BABAM2: variants seen among roughly 807,000 people sequenced by gnomAD.
BABAM2 encodes the protein BRISC and BRCA1 A complex member 2.
In BABAM2, 31 loss-of-function variants were observed where a neutral mutation model predicts 54.7. The ratio of observed to expected loss-of-function variants is 0.57; its 90% CI spans 0.43 to 0.77. The LOEUF is 0.77. BABAM2 is among the 30% of genes least tolerant of loss of function. The pLI is 0.00. For missense variants in BABAM2, 364 were observed against 455.8 expected (o/e 0.80, Z 1.83); for synonymous variants, 167 against 162.9 (o/e 1.03, Z -0.19).
At chr2:28,135,149 G>A (rs897541186) in intron 7 of BABAM2, among the ~76,000 whole-genome samples, 1 of 152,292 alleles carries the variant, frequency 6.6e-6, no homozygotes, top group Middle Eastern at 3.4e-3. Context: ...AAGAGAGTGG[G>A]AGATCACATT....
rs774711146 is a variant in BABAM2, at chr2:28,036,437, G to T, written c.496-9288G>T. On this transcript the variant is annotated intron_variant, in intron 5 of 11. Coordinates refer to ENST00000379624, the MANE Select transcript of BABAM2 (RefSeq NM_199191.3). ...CTTCAAAGAACTGTGGAAATGTGTTGATTAGATCAGGGAGGCTTAACCTAA... is the reference window on the plus strand; with the variant it reads ...CTTCAAAGAACTGTGGAAATGTGTTTATTAGATCAGGGAGGCTTAACCTAA... Among the ~76,000 whole-genome samples, 3 of 152,178 alleles carry T rather than the reference G, an allele frequency of 2.0e-5. No homozygotes were observed. The South Asian group carries it at 6.2e-4, about 31-fold the overall frequency.
In BABAM2 at chr2:28,323,491, G is replaced by A. The variant is rs573741622; in HGVS notation, c.1089-14959G>A. ...ATACCAAAGCAGAAATAATAATAAT[G>A]GATAATAGTATATTAGACTGAGCAG... On this transcript the variant is annotated intron_variant, in intron 11 of 11. Coordinates refer to ENST00000379624, the MANE Select transcript of BABAM2 (RefSeq NM_199191.3). Among the ~76,000 whole-genome samples the A allele has an allele frequency of 7.2e-5, 11 of 152,318 alleles. No homozygotes were observed. In the South Asian group the frequency reaches 2.1e-3, roughly 29 times the overall value.
intron 7 of BABAM2, among the ~76,000 whole-genome samples, chr2:28,184,653 C>A (rs902062523): frequency 1.3e-5 from 2 of 152,038 alleles, no homozygotes; most frequent in African/African-American, 2.4e-5. Flanking sequence ...GACATGAACT[C>A]ATCCTTTTCT....
At chr2:28,315,112 A>C (rs1689415602) in intron 11 of BABAM2, among the ~76,000 whole-genome samples, 2 of 132,692 alleles carry the variant, frequency 1.5e-5, no homozygotes, top group East Asian at 2.4e-4. Flanking sequence ...GAGGAGGGGA[A>C]AAGGGGAAGG....
chr2:27,967,657 A>G (rs1401300623), intron 3 of BABAM2, among the ~76,000 whole-genome samples: 2 of 152,150 alleles, frequency 1.3e-5, no homozygotes, highest in African/African-American at 2.4e-5. Context: ...AAAATGTGGG[A>G]CGCTTTGGAA....
intron 7 of BABAM2, among the ~76,000 whole-genome samples, chr2:28,132,213 A>C (rs1341002210): frequency 6.9e-6 from 1 of 145,188 alleles, no homozygotes; most frequent in African/African-American, 2.6e-5. Context: ...ATCTCCGCTC[A>C]CTGCAAGCTC....
At chr2:28,159,684 A>C (rs938969106) in intron 7 of BABAM2, among the ~76,000 whole-genome samples, 1 of 152,170 alleles carries the variant, frequency 6.6e-6, no homozygotes, top group African/African-American at 2.4e-5. Flanking sequence ...GTTCGAGACC[A>C]GCCTGGCCAA....
intron 3 of BABAM2, among the ~76,000 whole-genome samples, chr2:27,933,987 G>A (rs1668307724): frequency 6.6e-6 from 1 of 151,884 alleles, no homozygotes; most frequent in African/African-American, 2.4e-5. Context: ...ATATAAAAGG[G>A]CATAGTATTC....
chr2:28,082,309 C>T (rs946122704), intron 6 of BABAM2, among the ~76,000 whole-genome samples: 1 of 152,148 alleles, frequency 6.6e-6, no homozygotes, highest in Non-Finnish European at 1.5e-5. Context: ...TGTGGTTGAG[C>T]ACTGGTATTT....
At chr2:28,088,794 A>C (rs1290438181) in intron 6 of BABAM2, among the ~76,000 whole-genome samples, 3 of 152,078 alleles carry the variant, frequency 2.0e-5, no homozygotes, top group Admixed American at 6.5e-5. Context: ...ATCCATTTGG[A>C]TCTTGAGGGC....
At chr2:28,178,582 C>T (rs1247516409) in intron 7 of BABAM2, among the ~76,000 whole-genome samples, 1 of 151,712 alleles carries the variant, frequency 6.6e-6, no homozygotes, top group African/African-American at 2.4e-5. Context: ...TAATGATGTA[C>T]CTCAAGGAAC....
intron 2 of BABAM2, 162 bp downstream of exon 2, chr2:27,894,846 A>C: frequency 2.8e-6 from 2 of 705,218 alleles, no homozygotes; most frequent in South Asian, 2.4e-5. Context: ...AGTTCTTGAC[A>C]TTTTATGTTT....
intron 4 of BABAM2, among the ~76,000 whole-genome samples, chr2:28,024,230 C>G (rs1675481097): frequency 6.6e-6 from 1 of 152,120 alleles, no homozygotes; most frequent in South Asian, 2.1e-4. Flanking sequence ...CGGTGAAACC[C>G]CGTCTCTACT....
chr2:27,890,700 C>T, upstream of BABAM2: 1 of 170,490 alleles, frequency 5.9e-6, no homozygotes, highest in African/African-American at 2.4e-5. This position sits in a 1 kb window ranked among gnomAD's most constrained non-coding sequence, Gnocchi z 4.8. Context: ...GCTTCGGGGC[C>T]GCAGAGGGGG....
intron 7 of BABAM2, among the ~76,000 whole-genome samples, chr2:28,171,146 A>T (rs1320119024): frequency 6.6e-6 from 1 of 151,940 alleles, no homozygotes; most frequent in African/African-American, 2.4e-5. Context: ...AGATTGTACC[A>T]TATCAGTCCA....
intron 7 of BABAM2, among the ~76,000 whole-genome samples, chr2:28,194,849 T>G (rs6712342): frequency 0.42 from 63,292 of 151,860 alleles, 14,139 homozygotes; most frequent in East Asian, 0.67. Context: ...TGTGAGCCAC[T>G]GTTACTTGCC....
At chr2:28,082,911 G>C (rs1573542955) in intron 6 of BABAM2, among the ~76,000 whole-genome samples, 1 of 152,018 alleles carries the variant, frequency 6.6e-6, no homozygotes, top group Admixed American at 6.6e-5. Context: ...TTGTCCACAT[G>C]CACCACTCTT....
intron 11 of BABAM2, among the ~76,000 whole-genome samples, chr2:28,328,843 G>T (rs1362093517): frequency 6.6e-6 from 1 of 152,100 alleles, no homozygotes; most frequent in Non-Finnish European, 1.5e-5. Context: ...AACTGCCTTA[G>T]GTGCTCTCTC....
chr2:27,922,276 A>G (rs1667394881), intron 2 of BABAM2, among the ~76,000 whole-genome samples: 1 of 152,246 alleles, frequency 6.6e-6, no homozygotes, highest in Non-Finnish European at 1.5e-5. Flanking sequence ...TTACTTAAAA[A>G]GGAGTATAAC....
Sources: allele counts gnomAD v4.1 joint callset (sites outside exome capture counted in the v4.1 genomes callset), GRCh38; gene constraint gnomAD v4.1.1; non-coding constraint Gnocchi (gnomAD v3.1); transcripts MANE v1.5; gene names NCBI Gene and HGNC (gene_info 2026-07-23, HGNC 2026-07-21).